Variants in PAX5 observed in about 807,000 individuals in gnomAD.
The protein encoded by PAX5 is paired box 5.
In PAX5, 9 loss-of-function variants were observed where a neutral mutation model predicts 43.7. The observed-to-expected ratio is 0.21, with a 90% confidence interval of 0.12 to 0.36. The LOEUF (loss-of-function observed/expected upper bound fraction) is 0.36, where lower values mean the gene tolerates loss of function less well. Ranked by LOEUF, PAX5 falls within the 10% of genes least tolerant of loss-of-function variation. PAX5 has a pLI of 1.00. For missense variants in PAX5, 383 were observed against 532.7 expected (o/e 0.72, Z 2.77); for synonymous variants, 228 against 214.3 (o/e 1.06, Z -0.56).
At chr9:36,841,135 A>G (rs1822009926) in intron 9 of PAX5, among the ~76,000 whole-genome samples, 3 of 152,236 alleles carry the variant, frequency 2.0e-5, no homozygotes. Context: ...AGCTATCCCC[A>G]GCCAGCATCT....
chr9:36,915,181 G>A (rs7034287), intron 7 of PAX5, among the ~76,000 whole-genome samples: 37,772 of 152,058 alleles, frequency 0.25, 5,412 homozygotes, highest in East Asian at 0.5. Flanking sequence ...CTAAAAGTAC[G>A]TATAAAAGTT....
intron 7 of PAX5, among the ~76,000 whole-genome samples, chr9:36,894,873 C>G (rs919264797): frequency 6.6e-6 from 1 of 152,244 alleles, no homozygotes; most frequent in African/African-American, 2.4e-5. Flanking sequence ...CTTACACACA[C>G]AGCTAAGAGC....
intron 7 of PAX5, among the ~76,000 whole-genome samples, chr9:36,910,932 T>C (rs967365116): frequency 2.6e-5 from 4 of 152,206 alleles, no homozygotes; most frequent in East Asian, 1.9e-4. Flanking sequence ...AGGATATGCA[T>C]GTCATTCATT....
chr9:36,877,971 G>A (rs1007321582), intron 8 of PAX5, among the ~76,000 whole-genome samples: 1 of 152,194 alleles, frequency 6.6e-6, no homozygotes, highest in Non-Finnish European at 1.5e-5. Flanking sequence ...TGAAGATGGA[G>A]CAGGGAAACA....
chr9:36,946,459 C>T (rs1433373925), intron 6 of PAX5, among the ~76,000 whole-genome samples: 1 of 152,212 alleles, frequency 6.6e-6, no homozygotes, highest in Non-Finnish European at 1.5e-5. Context: ...ACCTGGGCCA[C>T]ATTCATCAGG....
At chr9:37,030,773 C>T (rs1431410012) in intron 1 of PAX5, among the ~76,000 whole-genome samples, 1 of 152,232 alleles carries the variant, frequency 6.6e-6, no homozygotes, top group Non-Finnish European at 1.5e-5. Context: ...CAGCGCACTG[C>T]ATTACCGTGG....
Position 36,979,085 on chromosome 9 carries a change from C to T in PAX5, c.605-12361G>A, listed in dbSNP as rs137978796. 2.0e-3 allele frequency among the ~76,000 whole-genome samples: 312 copies of T among 152,312 alleles called. 2 individuals carry two copies. The highest frequency in any genetic ancestry group is 6.1e-3 in the African/African-American group (253 of 41,566). On this transcript the variant is annotated intron_variant, in intron 5 of 9. Transcript: ENST00000358127. ...AGAATTCAATTGATCAATCATGTTT[C>T]GGTGATAGTACCATTTCACTGGCTT...
chr9:36,988,587 C>T (rs1210843221), intron 5 of PAX5, among the ~76,000 whole-genome samples: 7 of 149,766 alleles, frequency 4.7e-5, no homozygotes, highest in Admixed American at 4.0e-4. Flanking sequence ...CACTTGAGCC[C>T]ACGAGGTCAA....
intron 9 of PAX5, among the ~76,000 whole-genome samples, chr9:36,844,397 A>C (rs560875137): frequency 6.6e-6 from 1 of 152,126 alleles, no homozygotes; most frequent in South Asian, 2.1e-4. Context: ...CACCTTTCTG[A>C]GCCTCATTGT....
rs558291099 is a variant in PAX5 at position 37,033,582 on chromosome 9, C to T, written c.46+404G>A. Among the ~76,000 whole-genome samples, 9 of 134,436 alleles carry T rather than the reference C, an allele frequency of 6.7e-5. No homozygotes were observed. In the South Asian group the frequency reaches 2.3e-3, roughly 34 times the overall value. The allele number at this position is 134,436 out of a possible 152,430, so 88.2% of individuals were successfully genotyped here. ...ACTAACTTATAAACACACACGAATACCCCACGAGTATAAAGATACACACAC... is the reference window on the plus strand; with the variant it reads ...ACTAACTTATAAACACACACGAATATCCCACGAGTATAAAGATACACACAC... On this transcript the variant is annotated intron_variant, in intron 1 of 9. Transcript: ENST00000358127.
intron 7 of PAX5, among the ~76,000 whole-genome samples, chr9:36,898,736 G>A (rs562272356): frequency 5.9e-5 from 9 of 152,234 alleles, no homozygotes; most frequent in East Asian, 5.8e-4. Context: ...TGCAGCTCCC[G>A]GCTCTCCTCG....
chr9:37,033,941 CGT>C, intron 1 of PAX5, 43 bp downstream of exon 1: 2 of 1,599,312 alleles, frequency 1.3e-6, no homozygotes. Flanking sequence ...AAGGCCTGGC[CGT>C]GTCCCGGAGT....
intron 7 of PAX5, among the ~76,000 whole-genome samples, chr9:36,884,874 C>G (rs561352196): frequency 1.3e-5 from 2 of 152,246 alleles, no homozygotes; most frequent in Admixed American, 1.3e-4. Flanking sequence ...TCAGGTCCCC[C>G]TCTCCCAGCC....
At chr9:36,875,517 C>T (rs756011000) in intron 8 of PAX5, among the ~76,000 whole-genome samples, 3 of 151,966 alleles carry the variant, frequency 2.0e-5, no homozygotes, top group South Asian at 2.1e-4. Context: ...GGTCCTGGTT[C>T]GGAGGGTATG....
chr9:36,948,230 G>A (rs1832716302), intron 6 of PAX5, among the ~76,000 whole-genome samples: 1 of 152,178 alleles, frequency 6.6e-6, no homozygotes, highest in Non-Finnish European at 1.5e-5. Context: ...GGCTCTTACC[G>A]CCTTGCCATG....
At chr9:36,846,489 G>C (rs1822584988) in intron 9 of PAX5, among the ~76,000 whole-genome samples, 1 of 152,212 alleles carries the variant, frequency 6.6e-6, no homozygotes, top group South Asian at 2.1e-4. Context: ...TATTTAGAGA[G>C]TTCTCGCCTG....
chr9:36,843,305 G>A (rs958713051), intron 9 of PAX5, among the ~76,000 whole-genome samples: 3 of 152,198 alleles, frequency 2.0e-5, no homozygotes, highest in Admixed American at 6.5e-5. Flanking sequence ...AGGCCACGCT[G>A]AAGACACCGT....
Position 36,975,035 on chromosome 9 carries a change from C to A in PAX5, c.605-8311G>T, listed in dbSNP as rs1246871779. 3.3e-5 allele frequency among the ~76,000 whole-genome samples: 5 copies of A among 152,332 alleles called. No individual in the cohort carries two copies. In the East Asian group the frequency reaches 9.6e-4, roughly 29 times the overall value. Reference sequence around the variant, plus strand: ...AAAGCTGCCTCCTCTCTGAAGCCTGCCTCCAAATCCAAAGGCTGAATTCAC... The same window carrying A: ...AAAGCTGCCTCCTCTCTGAAGCCTGACTCCAAATCCAAAGGCTGAATTCAC... On this transcript the variant is annotated intron_variant, in intron 5 of 9. Coordinates refer to ENST00000358127, the MANE Select transcript of PAX5 (RefSeq NM_016734.3).
At chr9:36,852,181 A>G (rs1823224243) in intron 8 of PAX5, among the ~76,000 whole-genome samples, 1 of 152,308 alleles carries the variant, frequency 6.6e-6, no homozygotes, top group Admixed American at 6.5e-5. Context: ...GAGAGAGAAC[A>G]AACTCAGAAA....
Sources: gnomAD v4.1 joint callset for allele counts (sites outside exome capture counted in the v4.1 genomes callset) on GRCh38, gnomAD v4.1.1 for gene constraint, MANE v1.5 for transcripts, NCBI Gene and HGNC (gene_info 2026-07-23, HGNC 2026-07-21) for gene names.